Variants in DHRS7 observed in about 807,000 individuals in gnomAD.
DHRS7 encodes dehydrogenase/reductase SDR family member 7.
In DHRS7, 34 loss-of-function variants were observed where a neutral mutation model predicts 38.9. That is an observed-to-expected ratio of 0.87 (90% CI 0.66 to 1.16). DHRS7 has a LOEUF of 1.16. DHRS7 is among the 50% of genes most tolerant of loss of function. The probability of loss-of-function intolerance (pLI) is 0.00; values close to 1 mark genes in which losing one functional copy is unlikely to be tolerated. For synonymous variants in DHRS7, 158 were observed against 153.1 expected, an observed-to-expected ratio of 1.03 and a Z score of -0.24; for missense variants, 421 against 407.0, an observed-to-expected ratio of 1.03 and a Z score of -0.30.
At chr14:60,166,223 G>C, upstream of DHRS7, 1 of 985,376 alleles carries the variant, frequency 1.0e-6, no homozygotes, top group Non-Finnish European at 1.2e-6. Context: ...GGCATCAATA[G>C]TAGCATCTTT....
At chr14:60,155,443 C>G (rs2140601609) in intron 2 of DHRS7, among the ~76,000 whole-genome samples, 1 of 152,226 alleles carries the variant, frequency 6.6e-6, no homozygotes. Flanking sequence ...AGTGAGACTT[C>G]ATCTCAAAAA....
upstream of DHRS7, among the ~76,000 whole-genome samples, chr14:60,166,996 C>T (rs549323864): frequency 9.7e-4 from 148 of 151,914 alleles, no homozygotes; most frequent in Middle Eastern, 3.4e-3. Flanking sequence ...TTGGGGGGGA[C>T]GTGGAGATGG....
chr14:60,165,251 A>G lies in DHRS7; in HGVS notation c.59T>C (p.Val20Ala), dbSNP rs766140139. ...AGCCCTCAGGAAGCGCAGCAGCTGC[A>G]CCAAGAGCAGGAGCAGCGCGCACAG... is the stretch of plus-strand genomic sequence containing the variant. ...LVLCALLLLL[V>A]QLLRFLRADG... Residue 20 changes from valine (V) to alanine (A), a missense_variant, in exon 1 of 7, where the codon GTG becomes GCG. Val to Ala is a moderately conservative substitution (Grantham distance 64). Coordinates refer to ENST00000557185, the MANE Select transcript of DHRS7 (RefSeq NM_016029.4). This position sits in a 1 kb window ranked among gnomAD's most constrained non-coding sequence, Gnocchi z 4.6. 12 of 1,609,124 alleles carry G rather than the reference A, an allele frequency of 7.5e-6. No individual in the cohort carries two copies. In the Admixed American group the frequency reaches 1.7e-4, roughly 22 times the overall value.
chr14:60,144,838 A>G lies in DHRS7; in HGVS notation c.*128T>C. 1.3e-6 allele frequency: 1 copy of G among 793,098 alleles called. No individual in the cohort carries two copies. Among genetic ancestry groups the G allele is most frequent in the South Asian group, 1.6e-5 (1 of 61,746 alleles). The allele number at this position is 793,098 out of a possible 1,614,324, so 49.1% of individuals were successfully genotyped here. A position where few individuals can be genotyped will look rare whatever the true frequency, so the allele number is the denominator to read the frequency against. ...ATTTTTTATTTCATTCCATGTTGGAAGCAAAGTCATATCTATTAAAAAGTA... is the reference window on the plus strand; with the variant it reads ...ATTTTTTATTTCATTCCATGTTGGAGGCAAAGTCATATCTATTAAAAAGTA... On this transcript the variant is annotated 3_prime_UTR_variant, in exon 7 of 7. Transcript: ENST00000557185.
In DHRS7 at chr14:60,165,264, G is replaced by A. The variant is rs1241123131; in HGVS notation, c.46C>T (p.Leu16Phe). 1 of 1,605,184 alleles carries A rather than the reference G, an allele frequency of 6.2e-7. No homozygotes were observed. The highest frequency in any genetic ancestry group is 1.7e-5 in the Admixed American group (1 of 59,370). ...LLWLLVLCAL[L>F]LLLVQLLRFL... ...CGCAGCAGCTGCACCAAGAGCAGGAGCAGCGCGCACAGCACCAGCAGCCAC... is the reference window on the plus strand; with the variant it reads ...CGCAGCAGCTGCACCAAGAGCAGGAACAGCGCGCACAGCACCAGCAGCCAC... Residue 16 changes from leucine to phenylalanine, a missense_variant, in exon 1 of 7, where the codon CTC (leucine) becomes TTC (phenylalanine). Transcript: ENST00000557185. The surrounding 1 kb of genome is among the most constrained non-coding windows in gnomAD (Gnocchi z 4.6).
rs750336064 is a variant in DHRS7 at position 60,145,203 on chromosome 14, CTTCTAA to C, written c.973-196_973-191del. On this transcript the variant is annotated intron_variant, in intron 6 of 6. Coordinates refer to ENST00000557185, the MANE Select transcript of DHRS7 (RefSeq NM_016029.4). The surrounding 1 kb of genome is among the most constrained non-coding windows in gnomAD (Gnocchi z 4.0). ...AAAATTCTAGATGTACACAAAAGTACTTCTAATGAGTTTAGCATCATCTCTGGTTTA... is the reference window on the plus strand; with the variant it reads ...AAAATTCTAGATGTACACAAAAGTACTGAGTTTAGCATCATCTCTGGTTTA... 435 of 451,206 alleles carry C rather than the reference CTTCTAA, an allele frequency of 9.6e-4. 1 individual carries two copies. Among genetic ancestry groups the C allele is most frequent in the Admixed American group, 3.5e-3 (87 of 25,076 alleles). The allele number at this position is 451,206 out of a possible 1,614,324, so 28.0% of individuals were successfully genotyped here.
In DHRS7 at chr14:60,144,828, C is replaced by A; in HGVS notation, c.*138G>T. On this transcript the variant is annotated 3_prime_UTR_variant, in exon 7 of 7. Coordinates refer to ENST00000557185, the MANE Select transcript of DHRS7 (RefSeq NM_016029.4). Reference sequence around the variant, plus strand: ...TTTATTATTTATTTTTTATTTCATTCCATGTTGGAAGCAAAGTCATATCTA... The same window carrying A: ...TTTATTATTTATTTTTTATTTCATTACATGTTGGAAGCAAAGTCATATCTA... 1.4e-6 allele frequency: 1 copy of A among 729,626 alleles called. No individual in the cohort carries two copies. Among genetic ancestry groups the A allele is most frequent in the Non-Finnish European group, 2.4e-6 (1 of 421,694 alleles). 45.2% of individuals were successfully genotyped at this position (729,626 alleles called of 1,614,324 possible). A position where few individuals can be genotyped will look rare whatever the true frequency, so the allele number is the denominator to read the frequency against.
chr14:60,162,730 T>C lies in DHRS7; in HGVS notation c.133+2447A>G, dbSNP rs1372769989. 6.6e-6 allele frequency among the ~76,000 whole-genome samples: 1 copy of C among 152,218 alleles called. No homozygotes were observed. On this transcript the variant is annotated intron_variant, in intron 1 of 6. Coordinates refer to ENST00000557185, the MANE Select transcript of DHRS7 (RefSeq NM_016029.4). The surrounding 1 kb of genome is among the most constrained non-coding windows in gnomAD (Gnocchi z 4.5). ...TCAATTTTCCTTTAATCTTTTCTTC[T>C]TTCTCACTCCCTACCTCCACCAGGA...
At chr14:60,159,894 T>C (rs1052013458) in intron 1 of DHRS7, among the ~76,000 whole-genome samples, 4 of 152,242 alleles carry the variant, frequency 2.6e-5, no homozygotes, top group Non-Finnish European at 5.9e-5. Context: ...AGCTAGAGCT[T>C]CTCATTTGTG....
chr14:60,159,243 A>G, intron 1 of DHRS7: 2 of 389,502 alleles, frequency 5.1e-6, no homozygotes. Context: ...AAATCAGAAA[A>G]CCAAGTTTCT....
intron 2 of DHRS7, among the ~76,000 whole-genome samples, chr14:60,154,393 T>C (rs887084325): frequency 1.3e-5 from 2 of 152,102 alleles, no homozygotes; most frequent in African/African-American, 2.4e-5. Flanking sequence ...TACCTTTGTT[T>C]TGTGATAGGC....
At position 60,144,686 on chromosome 14, in the gene DHRS7, CT is replaced by C; in HGVS notation, c.*279del. 1 of 312,838 alleles carries C rather than the reference CT, an allele frequency of 3.2e-6. No homozygotes were observed. The highest frequency in any genetic ancestry group is 5.8e-6 in the Non-Finnish European group (1 of 172,354). The allele number at this position is 312,838 out of a possible 1,614,324, so 19.4% of individuals were successfully genotyped here. ...ATTTTGTTATAGCAGCACAAATGGA[CT>C]AAGACAAATCTGTTAACTTAGATTT... On this transcript the variant is annotated 3_prime_UTR_variant, in exon 7 of 7. Transcript: ENST00000557185.
upstream of DHRS7, chr14:60,165,473 G>A (rs574031302): frequency 2.8e-4 from 377 of 1,348,132 alleles, 2 homozygotes; most frequent in African/African-American, 4.8e-3. The surrounding 1 kb of genome is among the most constrained non-coding windows in gnomAD (Gnocchi z 4.6). Context: ...GGGCGCGCCG[G>A]GCTCAGCACT....
At position 60,161,721 on chromosome 14, in the gene DHRS7, G is replaced by A. The variant is rs1020087974; in HGVS notation, c.133+3456C>T. Among the ~76,000 whole-genome samples the A allele has an allele frequency of 6.6e-6, 1 of 152,196 alleles. No individual in the cohort carries two copies. The highest frequency in any genetic ancestry group is 1.5e-5 in the Non-Finnish European group (1 of 68,034). ...GTCTGGACAGTGCAGAGCAGGATGA[G>A]ATGTCAAAAATCACTTCCCTTGTCC... On this transcript the variant is annotated intron_variant, in intron 1 of 6. Coordinates refer to ENST00000557185, the MANE Select transcript of DHRS7 (RefSeq NM_016029.4). This position sits in a 1 kb window ranked among gnomAD's most constrained non-coding sequence, Gnocchi z 4.2.
In DHRS7 at chr14:60,157,737, GCTCCATA is replaced by G. The variant is rs1896686515; in HGVS notation, c.134-1592_134-1586del. Among the ~76,000 whole-genome samples the G allele has an allele frequency of 3.4e-5, 5 of 145,016 alleles. No homozygotes were observed. In the South Asian group the frequency reaches 6.9e-4, roughly 20 times the overall value. Reference sequence around the variant, plus strand: ...TAGCAAAGACTGGAATATTGAAAAGGCTCCATAAATAACTACTGAATAAACACCCAAG... The same window carrying G: ...TAGCAAAGACTGGAATATTGAAAAGGAATAACTACTGAATAAACACCCAAG... On this transcript the variant is annotated intron_variant, in intron 1 of 6. Coordinates refer to ENST00000557185, the MANE Select transcript of DHRS7 (RefSeq NM_016029.4).
At chr14:60,165,569 C>A, upstream of DHRS7, 1 of 1,255,856 alleles carries the variant, frequency 8.0e-7, no homozygotes, top group Non-Finnish European at 1.0e-6. This position sits in a 1 kb window ranked among gnomAD's most constrained non-coding sequence, Gnocchi z 4.6. Flanking sequence ...ATTCAAGTGT[C>A]CGAGACCAGC....
At chr14:60,159,032 C>T (rs1896711446) in intron 1 of DHRS7, 2 of 451,242 alleles carry the variant, frequency 4.4e-6, no homozygotes, top group Non-Finnish European at 8.8e-6. Flanking sequence ...GCACCTCAAA[C>T]ATTCATCAAG....
chr14:60,169,765 C>G (rs940784765), upstream of DHRS7: 2 of 152,236 alleles, frequency 1.3e-5, no homozygotes, highest in African/African-American at 4.8e-5. Flanking sequence ...TGTCTATTCT[C>G]TTTGCCTTGC....
At position 60,153,008 on chromosome 14, in the gene DHRS7, C is replaced by T. The variant is rs1254837335; in HGVS notation, c.564G>A (p.Val188=). The part of the protein sequence containing the change: ...IERKQGKIVT[V]NSILGIISVP... ...CAGATATGATACCCAGGATGCTATT[C>T]ACAGTAACAATCTTTCCTTGCTTCC... Residue 188 remains valine (V), a synonymous_variant, in exon 4 of 7, where the codon GTG becomes GTA. Transcript: ENST00000557185. This position sits in a 1 kb window ranked among gnomAD's most constrained non-coding sequence, Gnocchi z 4.4. The T allele has an allele frequency of 3.1e-6, 5 of 1,614,064 alleles. No homozygotes were observed. The highest frequency in any genetic ancestry group is 1.3e-5 in the African/African-American group (1 of 74,932).
Sources: allele counts gnomAD v4.1 joint callset (sites outside exome capture counted in the v4.1 genomes callset), GRCh38; gene constraint gnomAD v4.1.1; non-coding constraint Gnocchi (gnomAD v3.1); transcripts MANE v1.5; gene names NCBI Gene and HGNC (gene_info 2026-07-23, HGNC 2026-07-21).